Variants in GGT7 observed in about 807,000 individuals in gnomAD.
GGT7 encodes glutathione hydrolase 7.
In GGT7, 30 loss-of-function variants were observed where a neutral mutation model predicts 69.2. That is an observed-to-expected ratio of 0.43 (90% CI 0.32 to 0.59). GGT7 has a LOEUF of 0.59. GGT7 is among the 20% of genes least tolerant of loss of function. The pLI, the probability that GGT7 is intolerant of heterozygous loss-of-function variation, is 0.05. For missense variants in GGT7, 733 were observed against 901.1 expected (o/e 0.81, Z 2.39); for synonymous variants, 388 against 391.8 (o/e 0.99, Z 0.12).
At chr20:34,855,814 T>TGTGTGTGTGTGTGTGTGA (rs56219337) in intron 8 of GGT7, among the ~76,000 whole-genome samples, 5,741 of 144,422 alleles carry the variant, frequency 0.04, 310 homozygotes, top group African/African-American at 0.12. Context: ...TGTGTGTGTG[T>TGTGTGTGTGTGTGTGTGA]GATAATGGTC....
At chr20:34,869,670 G>A (rs2079749519) in intron 1 of GGT7, among the ~76,000 whole-genome samples, 1 of 152,064 alleles carries the variant, frequency 6.6e-6, no homozygotes, top group Non-Finnish European at 1.5e-5. Flanking sequence ...ACTTAGGAGG[G>A]GTGCAGAGAG....
rs1342003669 is a variant in GGT7, at chr20:34,863,358, A to C, written c.360T>G (p.Gly120=). ...TCTGCATGACCAGCGCCACGGTGAC[A>C]CCGGTAGCGAAGGTGAGACAGGCCG... The part of the protein sequence containing the change: ...IVTACLTFAT[G]VTVALVMQIY... The change falls in exon 2 of 15, where the codon GGT becomes GGG. Residue 120 remains glycine (G), a synonymous_variant. Coordinates refer to ENST00000336431, the MANE Select transcript of GGT7 (RefSeq NM_178026.3). This position sits in a 1 kb window ranked among gnomAD's most constrained non-coding sequence, Gnocchi z 4.4. 6.2e-7 allele frequency: 1 copy of C among 1,613,574 alleles called. No homozygotes were observed.
rs756441036 is a variant in GGT7 at position 34,854,890 on chromosome 20, G to A, written c.1136C>T (p.Thr379Met). 27 of 1,613,854 alleles carry A rather than the reference G, an allele frequency of 1.7e-5. No individual in the cohort carries two copies. Among genetic ancestry groups the A allele is most frequent in the Middle Eastern group, 1.7e-4 (1 of 6,050 alleles). ...HLVLSPPPPH[T>M]GPALISALNI... is the part of the protein sequence containing the mutation. ...GAGAGCACTGATGAGGGCAGGGCCCGTGTGCGGAGGTGGGGGACTAAGAAC... is the reference window on the plus strand; with the variant it reads ...GAGAGCACTGATGAGGGCAGGGCCCATGTGCGGAGGTGGGGGACTAAGAAC... Residue 379 changes from threonine (T) to methionine (M), a missense_variant, in exon 9 of 15, where the codon ACG (threonine) becomes ATG (methionine). Thr to Met is a moderately conservative substitution (Grantham distance 81, BLOSUM62 -1). Transcript: ENST00000336431.
In GGT7 at chr20:34,863,308, C is replaced by G. The variant is rs777913539; in HGVS notation, c.405+5G>C. The G allele has an allele frequency of 1.1e-5, 18 of 1,604,180 alleles. No individual in the cohort carries two copies. In the South Asian group the frequency reaches 1.8e-4, roughly 16 times the overall value. On this transcript the variant is annotated splice_donor_5th_base_variant and intron_variant, in intron 2 of 14. Coordinates refer to ENST00000336431, the MANE Select transcript of GGT7 (RefSeq NM_178026.3). The surrounding 1 kb of genome is among the most constrained non-coding windows in gnomAD (Gnocchi z 4.4). ...TTCCTCCCCCTCCCCATTTGTCCCC[C>G]TCACCTGGGGGTCCCCGAAGTAGAT...
chr20:34,852,039 A>T, intron 12 of GGT7, 116 bp downstream of exon 12: 1 of 745,156 alleles, frequency 1.3e-6, no homozygotes, highest in Non-Finnish European at 2.4e-6. Context: ...CCTCTTCTTT[A>T]GGCTTCCTTA....
At chr20:34,859,896 G>C in intron 6 of GGT7, 73 bp downstream of exon 6, 1 of 1,111,816 alleles carries the variant, frequency 9.0e-7, no homozygotes, top group South Asian at 1.3e-5. Context: ...CTCTGGCTTG[G>C]GCTCCAAATC....
chr20:34,855,544 C>T (rs2079475934), intron 8 of GGT7, among the ~76,000 whole-genome samples: 1 of 152,206 alleles, frequency 6.6e-6, no homozygotes, highest in Non-Finnish European at 1.5e-5. Context: ...ATTGTTGAGA[C>T]AACCCAGGCT....
At chr20:34,858,061 C>T (rs1452208982) in intron 7 of GGT7, among the ~76,000 whole-genome samples, 1 of 152,156 alleles carries the variant, frequency 6.6e-6, no homozygotes, top group African/African-American at 2.4e-5. Context: ...CCAGGCCTGG[C>T]CAATTGGGGC....
chr20:34,855,026 C>T, intron 8 of GGT7, 103 bp from the exon 9 acceptor site: 2 of 1,085,432 alleles, frequency 1.8e-6, no homozygotes, highest in Non-Finnish European at 2.7e-6. Flanking sequence ...GACCACTGCG[C>T]TGAACTCCCT....
chr20:34,857,405 G>C (rs909159345), intron 7 of GGT7, among the ~76,000 whole-genome samples: 14 of 152,170 alleles, frequency 9.2e-5, no homozygotes, highest in African/African-American at 2.9e-4. Context: ...ATGACTTTGA[G>C]TGATCCTAGA....
intron 1 of GGT7, among the ~76,000 whole-genome samples, chr20:34,867,063 CTTGTTGTTG>C (rs372987226): frequency 4.0e-5 from 6 of 151,814 alleles, no homozygotes; most frequent in Non-Finnish European, 8.8e-5. Context: ...CTAGAAATGT[CTTGTTGTTG>C]TTGTTGTTGT....
At chr20:34,872,459 A>ACGCC in intron 1 of GGT7, 188 bp downstream of exon 1, 1 of 442,454 alleles carries the variant, frequency 2.3e-6, no homozygotes, top group Non-Finnish European at 3.9e-6. Context: ...GTCGCATCCT[A>ACGCC]CGCCTCCAAG....
chr20:34,856,695 C>T, intron 8 of GGT7, 111 bp downstream of exon 8: 1 of 697,792 alleles, frequency 1.4e-6, no homozygotes, highest in East Asian at 2.7e-5. Context: ...TAGCTCACTG[C>T]CTTAGTTTCT....
At chr20:34,865,050 G>C (rs1310341069) in intron 1 of GGT7, among the ~76,000 whole-genome samples, 1 of 152,130 alleles carries the variant, frequency 6.6e-6, no homozygotes, top group Non-Finnish European at 1.5e-5. Flanking sequence ...TCGAACTCCT[G>C]ACCCCAGGTG....
At chr20:34,851,104 C>A in intron 13 of GGT7, 127 bp downstream of exon 13, 2 of 1,244,806 alleles carry the variant, frequency 1.6e-6, no homozygotes, top group Admixed American at 3.6e-5. Flanking sequence ...GCGCCTGGCA[C>A]AAAACAGCCT....
At position 34,859,581 on chromosome 20, in the gene GGT7, G is replaced by T. The variant is rs369484948; in HGVS notation, c.876C>A (p.Phe292Leu). Reference sequence around the variant, plus strand: ...GTAGTGGCGGGCGGCCCGATGGCAGGAACGTCTCCCGGAAGCGCTCGGACA... The same window carrying T: ...GTAGTGGCGGGCGGCCCGATGGCAGTAACGTCTCCCGGAAGCGCTCGGACA... ...PNMSERFRET[F>L]LPSGRPPLPG... is the part of the protein sequence containing the mutation. Residue 292 changes from phenylalanine to leucine, a missense_variant, in exon 7 of 15, where the codon TTC becomes TTA. Physicochemically the swap from Phe to Leu is conservative, Grantham distance 22. Coordinates refer to ENST00000336431, the MANE Select transcript of GGT7 (RefSeq NM_178026.3). The T allele has an allele frequency of 1.2e-6, 2 of 1,603,328 alleles. No individual in the cohort carries two copies. Among genetic ancestry groups the T allele is most frequent in the Non-Finnish European group, 8.5e-7 (1 of 1,175,280 alleles).
At chr20:34,855,814 T>TGAGTGTGTGTGTGTGTGTGTGTGA (rs147295104) in intron 8 of GGT7, among the ~76,000 whole-genome samples, 2 of 144,518 alleles carry the variant, frequency 1.4e-5, no homozygotes, top group African/African-American at 5.3e-5. Flanking sequence ...TGTGTGTGTG[T>TGAGTGTGTGTGTGTGTGTGTGTGA]GATAATGGTC....
intron 13 of GGT7, chr20:34,850,769 A>G (rs1022203690): frequency 4.2e-6 from 2 of 477,394 alleles, no homozygotes; most frequent in Non-Finnish European, 8.4e-6. Context: ...AGAACTTAAG[A>G]TCGTTAACTC....
rs61319953 is a variant in GGT7, at chr20:34,859,511, C to T, written c.946G>A (p.Val316Ile). ...GCAGCCGGGCCGGAGGTGCCAAGTA[C>T]ATCCAGCACCTCAGCCAGGTCGGGC... ...HRPDLAEVLD[V>I]LGTSGPAAFY... Residue 316 changes from valine (V) to isoleucine (I), a missense_variant, in exon 7 of 15, where the codon GTA (valine) becomes ATA (isoleucine). Physicochemically the swap from Val to Ile is conservative, Grantham distance 29 (BLOSUM62 3). Transcript: ENST00000336431. 9,090 of 1,611,972 alleles carry T rather than the reference C, an allele frequency of 5.6e-3. 483 individuals carry two copies. The African/African-American group carries it at 0.11, about 19-fold the overall frequency.
Sources: allele counts gnomAD v4.1 joint callset (sites outside exome capture counted in the v4.1 genomes callset), GRCh38; gene constraint gnomAD v4.1.1; non-coding constraint Gnocchi (gnomAD v3.1); transcripts MANE v1.5; gene names NCBI Gene and HGNC (gene_info 2026-07-23, HGNC 2026-07-21).